CCDC33: variants seen among roughly 807,000 people sequenced by gnomAD.
CCDC33 encodes the protein coiled-coil domain-containing protein 33.
CCDC33 carries 94 observed loss-of-function variants against 91.9 expected under a neutral mutation model. The observed-to-expected ratio is 1.02, with a 90% CI of 0.87 to 1.21. The LOEUF is 1.21. Among genes scored for constraint, CCDC33 ranks in the 50% most tolerant of loss-of-function variants. CCDC33 has a pLI of 0.00. For synonymous variants in CCDC33, 396 were observed against 374.5 expected (o/e 1.06, Z -0.66); for missense variants, 940 against 935.5 (o/e 1.00, Z -0.06).
chr15:74,259,507 C>G (rs1305908200), intron 2 of CCDC33, among the ~76,000 whole-genome samples: 1 of 152,162 alleles, frequency 6.6e-6, no homozygotes, highest in Admixed American at 6.5e-5. Flanking sequence ...CTCCCTCCAC[C>G]TGCTAAAAGC....
chr15:74,210,135 G>T (rs1347248302), intron 2 of CCDC33, among the ~76,000 whole-genome samples: 2 of 152,212 alleles, frequency 1.3e-5, no homozygotes. Flanking sequence ...TGGAGAAGAG[G>T]ATTTTTAGTT....
In CCDC33 at chr15:74,295,918, A is replaced by T. The variant is rs772176628; in HGVS notation, c.1260A>T (p.Glu420Asp). The T allele has an allele frequency of 6.2e-7, 1 of 1,613,542 alleles. No individual in the cohort carries two copies. Among genetic ancestry groups the T allele is most frequent in the Non-Finnish European group, 8.5e-7 (1 of 1,179,782 alleles). The change falls in exon 11 of 19, where the codon GAA becomes GAT. Residue 420 changes from glutamate (E) to aspartate (D), a missense_variant. By Grantham distance (45) the Glu-to-Asp change is conservative (BLOSUM62 2). Transcript: ENST00000398814. The stretch of plus-strand genomic sequence containing the variant: ...CCACTCCACGAGAAGCAGAGGAGGA[A>T]CCTCTGGTGCCTGAGATGTCCCATG... ...STSTPREAEEEPLVPEMSHDT... is the reference protein window; with the variant it reads ...STSTPREAEEDPLVPEMSHDT...
chr15:74,323,190 G>A (rs1053782856), intron 11 of CCDC33, among the ~76,000 whole-genome samples: 3 of 151,994 alleles, frequency 2.0e-5, no homozygotes, highest in Non-Finnish European at 4.4e-5. Context: ...CCAGCATTCA[G>A]AGCACTGGCC....
At position 74,331,300 on chromosome 15, in the gene CCDC33, G is replaced by T; in HGVS notation, c.1771+4G>T. On this transcript the variant is annotated splice_donor_region_variant and intron_variant, in intron 15 of 18. Transcript: ENST00000398814. ...CAGCAGGGAAAGCCCTACACGGGTG[G>T]GTCCACACCCTGATGTGATCAGCTC... 6.2e-7 allele frequency: 1 copy of T among 1,613,398 alleles called. No individual in the cohort carries two copies. Among genetic ancestry groups the T allele is most frequent in the Non-Finnish European group, 8.5e-7 (1 of 1,179,520 alleles).
chr15:74,326,903 C>T (rs1304050548), intron 11 of CCDC33, among the ~76,000 whole-genome samples: 1 of 152,166 alleles, frequency 6.6e-6, no homozygotes, highest in Non-Finnish European at 1.5e-5. Context: ...CAGAGCATGG[C>T]CCTGGGGGTT....
chr15:74,291,353 G>A (rs2059581408), intron 10 of CCDC33, among the ~76,000 whole-genome samples: 1 of 152,258 alleles, frequency 6.6e-6, no homozygotes, highest in Admixed American at 6.5e-5. Flanking sequence ...GCGCTTGCCA[G>A]TGGGCGAGAC....
intron 6 of CCDC33, among the ~76,000 whole-genome samples, chr15:74,272,244 A>G (rs969984764): frequency 6.6e-6 from 1 of 152,094 alleles, no homozygotes; most frequent in Admixed American, 6.5e-5. Context: ...GTTGGCCCCA[A>G]AGGCCATCTT....
At chr15:74,334,947 C>T in intron 17 of CCDC33, 28 bp from the exon 18 acceptor site, 3 of 1,563,978 alleles carry the variant, frequency 1.9e-6, no homozygotes, top group Non-Finnish European at 2.6e-6. Flanking sequence ...GCCCATGGTC[C>T]TCCAATTGTC....
Position 74,268,401 on chromosome 15 carries a change from C to T in CCDC33, c.489C>T (p.Val163=), listed in dbSNP as rs1566983915. The T allele has an allele frequency of 6.2e-6, 10 of 1,601,434 alleles. No individual in the cohort carries two copies. Among genetic ancestry groups the T allele is most frequent in the Admixed American group, 1.7e-5 (1 of 59,034 alleles). ...CCAAGACCCAGTTGTACGCAACAGT[C>T]GTTCGGAAGAGCAGCTTCATACCCC... ...ATAKTQLYAT[V]VRKSSFIPRY... Residue 163 remains valine, a synonymous_variant, in exon 5 of 19, where the codon GTC becomes GTT. Transcript: ENST00000398814.
intron 6 of CCDC33, among the ~76,000 whole-genome samples, chr15:74,272,205 T>C (rs886277984): frequency 4.8e-5 from 7 of 144,910 alleles, no homozygotes; most frequent in Admixed American, 6.8e-5. Flanking sequence ...CCTCCCACTC[T>C]AGCTCAGGGC....
Position 74,243,968 on chromosome 15 carries a change from C to T in CCDC33, c.22-17C>T. 8 of 1,589,196 alleles carry T rather than the reference C, an allele frequency of 5.0e-6. No homozygotes were observed. The highest frequency in any genetic ancestry group is 3.4e-5 in the South Asian group (3 of 87,164). ...TCAAAAAAAAAAAAAAACACTCAGC[C>T]CTGGCTCTCCCCACAGAACACTGAA... On this transcript the variant is annotated splice_polypyrimidine_tract_variant and intron_variant, in intron 1 of 18. Coordinates refer to ENST00000398814, the MANE Select transcript of CCDC33 (RefSeq NM_025055.5).
chr15:74,208,597 T>C (rs2074315245), intron 1 of CCDC33, among the ~76,000 whole-genome samples: 1 of 152,156 alleles, frequency 6.6e-6, no homozygotes, highest in African/African-American at 2.4e-5. Context: ...GAGCTCCTGC[T>C]AGCCCCCCAG....
intron 10 of CCDC33, among the ~76,000 whole-genome samples, chr15:74,290,182 CT>C (rs3057599): frequency 6.2e-4 from 90 of 145,476 alleles, no homozygotes; most frequent in South Asian, 1.5e-3. Context: ...GTTTCTTTTC[CT>C]TTTTTTTTTT....
intron 3 of CCDC33, 49 bp from the exon 4 acceptor site, chr15:74,266,629 A>G (rs189922310): frequency 7.7e-7 from 1 of 1,300,658 alleles, no homozygotes; most frequent in Admixed American, 1.7e-5. Context: ...ACTGGGAGAG[A>G]AAGGGATCCA....
intron 10 of CCDC33, among the ~76,000 whole-genome samples, chr15:74,292,124 G>T (rs1420422363): frequency 6.6e-6 from 1 of 152,264 alleles, no homozygotes; most frequent in Non-Finnish European, 1.5e-5. Flanking sequence ...GCAGAGCAAG[G>T]CTTGTCAAAT....
upstream of CCDC33, among the ~76,000 whole-genome samples, chr15:74,216,051 C>T (rs1350397878): frequency 6.6e-6 from 1 of 152,122 alleles, no homozygotes; most frequent in Non-Finnish European, 1.5e-5. Flanking sequence ...CAAAGGTTGG[C>T]CCTAGGGCAG....
upstream of CCDC33, among the ~76,000 whole-genome samples, chr15:74,214,122 C>T (rs12910201): frequency 6.6e-6 from 1 of 150,894 alleles, no homozygotes; most frequent in Non-Finnish European, 1.5e-5. Context: ...CCTCAGGGGC[C>T]ATGGGGGTGT....
chr15:74,294,691 G>A (rs1480693287), intron 10 of CCDC33, among the ~76,000 whole-genome samples: 1 of 149,290 alleles, frequency 6.7e-6, no homozygotes, highest in African/African-American at 2.5e-5. Context: ...AGGTTGCAGT[G>A]AGCCGATATC....
intron 11 of CCDC33, among the ~76,000 whole-genome samples, chr15:74,320,143 T>A (rs750122901): frequency 1.2e-4 from 18 of 152,036 alleles, no homozygotes; most frequent in Non-Finnish European, 2.1e-4. Context: ...GGGCCCTGGT[T>A]CTAGAAACTC....
Sources: allele counts gnomAD v4.1 joint callset (sites outside exome capture counted in the v4.1 genomes callset), GRCh38; gene constraint gnomAD v4.1.1; transcripts MANE v1.5; gene names NCBI Gene and HGNC (gene_info 2026-07-23, HGNC 2026-07-21).